Variants in DLGAP2 observed in about 807,000 individuals in gnomAD.
The protein encoded by DLGAP2 is disks large-associated protein 2.
In DLGAP2, 26 loss-of-function variants were observed where a neutral mutation model predicts 100.3. The ratio of observed to expected loss-of-function variants is 0.26; its 90% confidence interval spans 0.19 to 0.36. The LOEUF (loss-of-function observed/expected upper bound fraction) is 0.36, where lower values mean the gene tolerates loss of function less well. Ranked by LOEUF, DLGAP2 falls within the 10% of genes least tolerant of loss-of-function variation. The pLI is 1.00. For synonymous variants in DLGAP2, 886 were observed against 630.1 expected, an observed-to-expected ratio of 1.41 and a Z score of -6.08; for missense variants, 1,858 against 1,453.2, an observed-to-expected ratio of 1.28 and a Z score of -4.53.
rs146728362 is a variant in DLGAP2, at chr8:988,380, C to T, written c.73+80414C>T. Reference sequence around the variant, plus strand: ...AAGTGTCATTCTTTATTCTTCTCTCCGAAGCTGCAGGTAACACTCAGCCTT... The same window carrying T: ...AAGTGTCATTCTTTATTCTTCTCTCTGAAGCTGCAGGTAACACTCAGCCTT... On this transcript the variant is annotated intron_variant, in intron 2 of 14. Transcript: ENST00000637795. 3.1e-3 allele frequency among the ~76,000 whole-genome samples: 469 copies of T among 152,310 alleles called. 3 individuals carry two copies. Among genetic ancestry groups the T allele is most frequent in the African/African-American group, 0.011 (443 of 41,564 alleles).
chr8:1,626,426 C>G (rs75301161), intron 6 of DLGAP2, among the ~76,000 whole-genome samples: 225 of 49,572 alleles, frequency 4.5e-3, no homozygotes, highest in Middle Eastern at 0.036. Context: ...CGGGTGCTCA[C>G]CCTCTGGGTG....
chr8:1,342,700 A>G (rs993124593), intron 3 of DLGAP2, among the ~76,000 whole-genome samples: 2 of 152,230 alleles, frequency 1.3e-5, no homozygotes, highest in African/African-American at 4.8e-5. Flanking sequence ...CTCTCTTAAC[A>G]TTAATTGAAA....
intron 4 of DLGAP2, among the ~76,000 whole-genome samples, chr8:1,518,568 T>C (rs958627200): frequency 6.6e-6 from 1 of 152,136 alleles, no homozygotes; most frequent in African/African-American, 2.4e-5. Flanking sequence ...CATCCAACCT[T>C]GATCAGCTAA....
At chr8:1,515,810 G>T (rs990898268) in intron 4 of DLGAP2, among the ~76,000 whole-genome samples, 4 of 152,210 alleles carry the variant, frequency 2.6e-5, no homozygotes, top group Non-Finnish European at 5.9e-5. Flanking sequence ...CCTCCAGTCT[G>T]TTCCCTGCTC....
intron 2 of DLGAP2, among the ~76,000 whole-genome samples, chr8:1,215,866 C>G (rs1798201840): frequency 7.0e-6 from 1 of 143,828 alleles, no homozygotes; most frequent in Non-Finnish European, 1.5e-5. Flanking sequence ...GGGTGCATCA[C>G]CTGGAGACGT....
chr8:1,585,369 C>T (rs1796084851), intron 6 of DLGAP2, among the ~76,000 whole-genome samples: 1 of 54,990 alleles, frequency 1.8e-5, no homozygotes, highest in African/African-American at 5.8e-5. Flanking sequence ...GTGGCCGAGC[C>T]AGGAGAATTG....
chr8:897,829 T>C (rs1473125173), intron 1 of DLGAP2, among the ~76,000 whole-genome samples: 1 of 152,146 alleles, frequency 6.6e-6, no homozygotes. Context: ...TGGGGTGCTC[T>C]CCGTGCGGGG....
intron 2 of DLGAP2, among the ~76,000 whole-genome samples, chr8:1,006,670 C>T (rs1340322553): frequency 1.0e-5 from 1 of 99,296 alleles, no homozygotes; most frequent in Non-Finnish European, 1.9e-5. Flanking sequence ...TTTATCACGT[C>T]GGGGGCGCCC....
Position 1,069,635 on chromosome 8 carries a change from C to T in DLGAP2, c.73+161669C>T, listed in dbSNP as rs181116382. Among the ~76,000 whole-genome samples the T allele has an allele frequency of 9.9e-4, 151 of 152,202 alleles. 1 individual carries two copies. The highest frequency in any genetic ancestry group is 3.1e-3 in the South Asian group (15 of 4,808). On this transcript the variant is annotated intron_variant, in intron 2 of 14. Coordinates refer to ENST00000637795, the MANE Select transcript of DLGAP2 (RefSeq NM_001346810.2). ...TGTCTTGTCTTTTGCTTAAAAATAG[C>T]GTCATTAGAGTATAATATATACTCC...
At chr8:1,321,459 G>C (rs1800900357) in intron 3 of DLGAP2, among the ~76,000 whole-genome samples, 1 of 152,226 alleles carries the variant, frequency 6.6e-6, no homozygotes, top group Non-Finnish European at 1.5e-5. Context: ...ATGTGTGCGT[G>C]CATCCGCATC....
intron 12 of DLGAP2, among the ~76,000 whole-genome samples, chr8:1,681,922 C>G (rs536703744): frequency 1.3e-4 from 19 of 147,924 alleles, no homozygotes; most frequent in African/African-American, 4.5e-4. Flanking sequence ...GAGTCACGGC[C>G]CTCTGACGTT....
chr8:1,304,758 C>A (rs1800450680), intron 3 of DLGAP2, among the ~76,000 whole-genome samples: 1 of 152,170 alleles, frequency 6.6e-6, no homozygotes, highest in African/African-American at 2.4e-5. Flanking sequence ...CCCCTTGCTA[C>A]ATGAACATTT....
chr8:1,602,834 G>A (rs1047840777), intron 6 of DLGAP2, among the ~76,000 whole-genome samples: 1 of 152,228 alleles, frequency 6.6e-6, no homozygotes, highest in African/African-American at 2.4e-5. Context: ...TCACAGAGGA[G>A]GACAGATAAT....
rs553813356 is a variant in DLGAP2 at position 1,532,236 on chromosome 8, A to T, written c.173-16390A>T. Among the ~76,000 whole-genome samples the T allele has an allele frequency of 4.7e-4, 71 of 152,266 alleles. No individual in the cohort carries two copies. In the South Asian group the frequency reaches 7.0e-3, roughly 15 times the overall value. On this transcript the variant is annotated intron_variant, in intron 4 of 14. Coordinates refer to ENST00000637795, the MANE Select transcript of DLGAP2 (RefSeq NM_001346810.2). ...GGGCCCAAAGGTTTTCCTCTCACAT[A>T]ACATGGGGGAGGTCCTGGAACGCAC...
chr8:1,657,320 A>G (rs1468097423), intron 8 of DLGAP2, among the ~76,000 whole-genome samples: 3 of 152,224 alleles, frequency 2.0e-5, no homozygotes, highest in Non-Finnish European at 4.4e-5. Flanking sequence ...AATGTTTGAC[A>G]TACATATAGA....
At chr8:1,480,850 G>T (rs577509181) in intron 3 of DLGAP2, among the ~76,000 whole-genome samples, 2 of 146,982 alleles carry the variant, frequency 1.4e-5, no homozygotes, top group Non-Finnish European at 3.0e-5. Context: ...TGGGAAACAA[G>T]AACGAAACTC....
chr8:917,506 G>A (rs1798619872), intron 2 of DLGAP2, among the ~76,000 whole-genome samples: 1 of 152,064 alleles, frequency 6.6e-6, no homozygotes, highest in Non-Finnish European at 1.5e-5. Context: ...CCAAAGTGCT[G>A]GAATTACAGG....
intron 1 of DLGAP2, among the ~76,000 whole-genome samples, chr8:839,017 A>G (rs1796933212): frequency 6.6e-6 from 1 of 152,224 alleles, no homozygotes; most frequent in Non-Finnish European, 1.5e-5. Flanking sequence ...AGGAAAAGCC[A>G]CATATGACCA....
chr8:1,015,262 A>G (rs147652806), intron 2 of DLGAP2, among the ~76,000 whole-genome samples: 85 of 1,234 alleles, frequency 0.069, 6 homozygotes, highest in South Asian at 0.25. Context: ...AGGACAGACG[A>G]CGCCTCCACT....
Sources: gnomAD v4.1 joint callset for allele counts (sites outside exome capture counted in the v4.1 genomes callset) on GRCh38, gnomAD v4.1.1 for gene constraint, MANE v1.5 for transcripts, NCBI Gene and HGNC (gene_info 2026-07-23, HGNC 2026-07-21) for gene names.